Variants in COL7A1 observed in about 807,000 individuals in gnomAD.
COL7A1 encodes the protein collagen type VII alpha 1 chain, also known as collagen alpha-1(VII) chain.
Under a neutral mutation model 456.2 loss-of-function variants are expected in COL7A1, and 296 were observed. The ratio of observed to expected loss-of-function variants is 0.65; its 90% CI spans 0.59 to 0.71. COL7A1 has a LOEUF of 0.71. Among genes scored for constraint, COL7A1 ranks in the 30% least tolerant of loss-of-function variants. The pLI, the probability that COL7A1 is intolerant of heterozygous loss-of-function variation, is 0.00. For synonymous variants in COL7A1, 1,464 were observed against 1,525.9 expected (o/e 0.96, Z 0.95); for missense variants, 3,441 against 4,017.2 (o/e 0.86, Z 3.88).
chr3:48,577,022 T>A lies in COL7A1; in HGVS notation c.5538A>T (p.Glu1846Asp), dbSNP rs765868969. The A allele has an allele frequency of 3.1e-6, 5 of 1,613,940 alleles. No homozygotes were observed. The South Asian group carries it at 5.5e-5, about 18-fold the overall frequency. ...TCCCGTCTTCTCCAGGGTCCCCAGG[T>A]TCTCCCTGTGGGCAGAGGACTCACA... Reference protein sequence around the residue: ...GKPGLNGKNGEPGDPGEDGRK... With the variant: ...GKPGLNGKNGDPGDPGEDGRK... Residue 1846 changes from glutamate to aspartate, a missense_variant, in exon 66 of 119, where the codon GAA becomes GAT. By Grantham distance (45) the Glu-to-Asp change is conservative (BLOSUM62 2). This residue lies in a region of COL7A1 where 2,084 missense variants were observed against 2,501.3 expected (regional missense o/e 0.83). Coordinates refer to ENST00000681320, the MANE Select transcript of COL7A1 (RefSeq NM_000094.4).
In COL7A1 at chr3:48,579,445, G is replaced by C; in HGVS notation, c.5271+35C>G. On this transcript the variant is annotated intron_variant, in intron 60 of 118. Coordinates refer to ENST00000681320, the MANE Select transcript of COL7A1 (RefSeq NM_000094.4). The surrounding 1 kb of genome is among the most constrained non-coding windows in gnomAD (Gnocchi z 4.4). ...TCAGATAAGAGGTGAGGGTAAGATG[G>C]GGACTTGGCAGACGGGGCAAAGTGC... 3 of 1,614,154 alleles carry C rather than the reference G, an allele frequency of 1.9e-6. No homozygotes were observed. Among genetic ancestry groups the C allele is most frequent in the Non-Finnish European group, 2.5e-6 (3 of 1,180,012 alleles).
rs1194530369 is a variant in COL7A1 at position 48,566,278 on chromosome 3, C to T, written c.8396G>A (p.Ser2799Asn). ...TGGGCACCACTCACCACAGTGCTGA[C>T]TCATCTCTTGGCGCACAAAGCCCCG... The part of the protein sequence containing the change: ...DIRGFVRQEM[S>N]QHCACQGQFI... The change falls in exon 114 of 119, where the codon AGT becomes AAT. Residue 2799 changes from serine (S) to asparagine (N), a missense_variant. This residue lies in a region of COL7A1 where 2,084 missense variants were observed against 2,501.3 expected (regional missense o/e 0.83). Transcript: ENST00000681320. This position sits in a 1 kb window ranked among gnomAD's most constrained non-coding sequence, Gnocchi z 5.9. The T allele has an allele frequency of 6.2e-7, 1 of 1,601,934 alleles. No individual in the cohort carries two copies. Among genetic ancestry groups the T allele is most frequent in the Admixed American group, 1.7e-5 (1 of 57,388 alleles).
chr3:48,581,706 C>T lies in COL7A1; in HGVS notation c.4722G>A (p.Arg1574=). 6.2e-7 allele frequency: 1 copy of T among 1,614,096 alleles called. No individual in the cohort carries two copies. ...CCCCTAAACACTTCGCTTCACTTAC[C>T]CGTTCCCCTTGGACTCCGGTAGCTC... ...PRGATGVQGE[R]GPPGLVLPGD... Residue 1574 remains arginine (R), a splice_region_variant and synonymous_variant, in exon 49 of 119, where the codon CGG becomes CGA. Coordinates refer to ENST00000681320, the MANE Select transcript of COL7A1 (RefSeq NM_000094.4). This position sits in a 1 kb window ranked among gnomAD's most constrained non-coding sequence, Gnocchi z 5.8.
At position 48,585,080 on chromosome 3, in the gene COL7A1, C is replaced by T; in HGVS notation, c.3931G>A (p.Gly1311Ser). ...GGGGTCCCAGGATTCCCGGCGCGGCCAGGGCTGCCTGGACGCCCATCTGCT... is the reference window on the plus strand; with the variant it reads ...GGGGTCCCAGGATTCCCGGCGCGGCTAGGGCTGCCTGGACGCCCATCTGCT... The part of the protein sequence containing the change: ...PGADGRPGSP[G>S]RAGNPGTPGA... Residue 1311 changes from glycine to serine, a missense_variant, in exon 33 of 119, where the codon GGC (glycine) becomes AGC (serine). Gly to Ser is a moderately conservative substitution (Grantham distance 56, BLOSUM62 0). Transcript: ENST00000681320. The surrounding 1 kb of genome is among the most constrained non-coding windows in gnomAD (Gnocchi z 4.5). 6.2e-7 allele frequency: 1 copy of T among 1,612,286 alleles called. No homozygotes were observed. The highest frequency in any genetic ancestry group is 8.5e-7 in the Non-Finnish European group (1 of 1,179,852).
chr3:48,584,142 C>T, intron 37 of COL7A1, 81 bp from the exon 38 acceptor site: 1 of 1,610,292 alleles, frequency 6.2e-7, no homozygotes, highest in Non-Finnish European at 8.5e-7. Context: ...GTCATGGGGT[C>T]CAATTGGATT....
At position 48,579,150 on chromosome 3, in the gene COL7A1, G is replaced by A; in HGVS notation, c.5388+47C>T. The stretch of plus-strand genomic sequence containing the variant: ...AGGCTGGGGTCTAGGGTCCTCATGT[G>A]AAGGGGTAGGGGAAGGGGACAACCA... On this transcript the variant is annotated intron_variant, in intron 62 of 118. Coordinates refer to ENST00000681320, the MANE Select transcript of COL7A1 (RefSeq NM_000094.4). The surrounding 1 kb of genome is among the most constrained non-coding windows in gnomAD (Gnocchi z 4.4). 1 of 1,603,966 alleles carries A rather than the reference G, an allele frequency of 6.2e-7. No individual in the cohort carries two copies. The highest frequency in any genetic ancestry group is 8.5e-7 in the Non-Finnish European group (1 of 1,173,046).
In COL7A1 at chr3:48,567,726, C is replaced by A. The variant is rs557951372; in HGVS notation, c.7967G>T (p.Gly2656Val). 1.2e-6 allele frequency: 2 copies of A among 1,614,094 alleles called. No homozygotes were observed. Among genetic ancestry groups the A allele is most frequent in the African/African-American group, 1.3e-5 (1 of 75,034 alleles). ...AGPPGRPGLA[G>V]HKGEMGEPGV... ...CACACTCACCATCTCTCCTTTGTGTCCTGCCAGCCCGGGGCGGCCTGGGGG... is the reference window on the plus strand; with the variant it reads ...CACACTCACCATCTCTCCTTTGTGTACTGCCAGCCCGGGGCGGCCTGGGGG... The change falls in exon 108 of 119, where the codon GGA (glycine) becomes GTA (valine). Residue 2656 changes from glycine to valine, a missense_variant. By Grantham distance (109) the Gly-to-Val change is moderately radical (BLOSUM62 -3). Transcript: ENST00000681320. This position sits in a 1 kb window ranked among gnomAD's most constrained non-coding sequence, Gnocchi z 4.3.
chr3:48,575,952 C>T lies in COL7A1; in HGVS notation c.5821-50G>A. 6.2e-7 allele frequency: 1 copy of T among 1,613,864 alleles called. No homozygotes were observed. Among genetic ancestry groups the T allele is most frequent in the Non-Finnish European group, 8.5e-7 (1 of 1,179,824 alleles). On this transcript the variant is annotated intron_variant, in intron 71 of 118. Transcript: ENST00000681320. The surrounding 1 kb of genome is among the most constrained non-coding windows in gnomAD (Gnocchi z 6.3). ...GCTGCCCATGACAGAGAAGCTCCTG[C>T]CTTCTGCCCCGCACGGCCTCAGGAA...
Position 48,571,216 on chromosome 3 carries a change from AG to A in COL7A1, c.7104+26del, listed in dbSNP as rs748001359. ...CAGGGAGTCTCACGACCAGGACCCC[AG>A]CAGGGACCCTTCTGGGTACACATAC... On this transcript the variant is annotated intron_variant, in intron 93 of 118. Coordinates refer to ENST00000681320, the MANE Select transcript of COL7A1 (RefSeq NM_000094.4). This position sits in a 1 kb window ranked among gnomAD's most constrained non-coding sequence, Gnocchi z 4.6. The A allele has an allele frequency of 5.8e-5, 94 of 1,614,026 alleles. No individual in the cohort carries two copies. Among genetic ancestry groups the A allele is most frequent in the Non-Finnish European group, 7.6e-5 (90 of 1,180,042 alleles).
chr3:48,564,751 C>T lies in COL7A1; in HGVS notation c.8818+32G>A. The stretch of plus-strand genomic sequence containing the variant: ...AACCCGATCCAGGCAGGCTCAGTGC[C>T]CAGTTCCCCACGGTGGGGGCTCAGC... On this transcript the variant is annotated intron_variant, in intron 118 of 118. Transcript: ENST00000681320. The surrounding 1 kb of genome is among the most constrained non-coding windows in gnomAD (Gnocchi z 6.0). 6.2e-7 allele frequency: 1 copy of T among 1,606,140 alleles called. No individual in the cohort carries two copies. The highest frequency in any genetic ancestry group is 8.5e-7 in the Non-Finnish European group (1 of 1,175,472).
In COL7A1 at chr3:48,566,868, A is replaced by C; in HGVS notation, c.8226+39T>G. 1 of 1,577,656 alleles carries C rather than the reference A, an allele frequency of 6.3e-7. No homozygotes were observed. Among genetic ancestry groups the C allele is most frequent in the Non-Finnish European group, 8.7e-7 (1 of 1,155,510 alleles). ...TGGTTATGAGGTTGGAAGGGTAGGG[A>C]AGGTTCAGGGATCAGGAGTCAGAGC... On this transcript the variant is annotated intron_variant, in intron 111 of 118. Coordinates refer to ENST00000681320, the MANE Select transcript of COL7A1 (RefSeq NM_000094.4). The surrounding 1 kb of genome is among the most constrained non-coding windows in gnomAD (Gnocchi z 5.9).
Position 48,588,682 on chromosome 3 carries a change from C to T in COL7A1, c.2547G>A (p.Gly849=). 1 of 1,613,864 alleles carries T rather than the reference C, an allele frequency of 6.2e-7. No homozygotes were observed. The highest frequency in any genetic ancestry group is 8.5e-7 in the Non-Finnish European group (1 of 1,180,040). Residue 849 remains glycine, a synonymous_variant, in exon 20 of 119, where the codon GGG becomes GGA. Transcript: ENST00000681320. The surrounding 1 kb of genome is among the most constrained non-coding windows in gnomAD (Gnocchi z 4.6). The part of the protein sequence containing the change: ...SYSVRVTALV[G]DREGTPVSIV... ...TGGAGACAGGTGTGCCCTCGCGGTCCCCGACAAGTGCAGTCACTCGCACTG... is the reference window on the plus strand; with the variant it reads ...TGGAGACAGGTGTGCCCTCGCGGTCTCCGACAAGTGCAGTCACTCGCACTG...
Position 48,567,583 on chromosome 3 carries a change from G to A in COL7A1, c.8037C>T (p.Ile2679=), listed in dbSNP as rs112974441. ...QSGAPGKEGL[I]GPKGDRGFDG... ...TCCACAGACCCTGTACCTTGGGACC[G>A]ATCAGGCCCTCCTTGCCAGGGGCCC... Residue 2679 remains isoleucine (I), a synonymous_variant, in exon 109 of 119, where the codon ATC becomes ATT. Transcript: ENST00000681320. The surrounding 1 kb of genome is among the most constrained non-coding windows in gnomAD (Gnocchi z 4.3). 107 of 1,614,104 alleles carry A rather than the reference G, an allele frequency of 6.6e-5. 1 individual carries two copies. The highest frequency in any genetic ancestry group is 3.1e-4 in the East Asian group (14 of 44,884).
Position 48,590,833 on chromosome 3 carries a change from G to A in COL7A1, c.1637-17C>T. 2.0e-5 allele frequency: 33 copies of A among 1,612,020 alleles called. No homozygotes were observed. The highest frequency in any genetic ancestry group is 2.7e-5 in the Non-Finnish European group (32 of 1,180,002). On this transcript the variant is annotated splice_polypyrimidine_tract_variant and intron_variant, in intron 13 of 118. Coordinates refer to ENST00000681320, the MANE Select transcript of COL7A1 (RefSeq NM_000094.4). This position sits in a 1 kb window ranked among gnomAD's most constrained non-coding sequence, Gnocchi z 4.6. The stretch of plus-strand genomic sequence containing the variant: ...GCTCAACCCCTAAGAGAGAAGTCAG[G>A]GTAGGTGGGCAGGGGTCAGAAAGAG...
At position 48,590,917 on chromosome 3, in the gene COL7A1, GGGTGGGGATGTGGGGT is replaced by G; in HGVS notation, c.1637-117_1637-102del. 2 of 1,298,908 alleles carry G rather than the reference GGGTGGGGATGTGGGGT, an allele frequency of 1.5e-6. No individual in the cohort carries two copies. The highest frequency in any genetic ancestry group is 2.4e-5 in the South Asian group (2 of 82,682). 80.5% of individuals were successfully genotyped at this position (1,298,908 alleles called of 1,614,324 possible). A position where few individuals can be genotyped will look rare whatever the true frequency, so the allele number is the denominator to read the frequency against. On this transcript the variant is annotated intron_variant, in intron 13 of 118. Coordinates refer to ENST00000681320, the MANE Select transcript of COL7A1 (RefSeq NM_000094.4). This position sits in a 1 kb window ranked among gnomAD's most constrained non-coding sequence, Gnocchi z 4.6. Reference sequence around the variant, plus strand: ...GGACGCAGAGTGAGAAGGGCCATGGGGGTGGGGATGTGGGGTGGTGGGGACCAGAGAGCTGGGATAT... The same window carrying G: ...GGACGCAGAGTGAGAAGGGCCATGGGGGTGGGGACCAGAGAGCTGGGATAT...
chr3:48,573,691 G>C lies in COL7A1; in HGVS notation c.6572C>G (p.Pro2191Arg), dbSNP rs140543032. 6 of 1,612,850 alleles carry C rather than the reference G, an allele frequency of 3.7e-6. No homozygotes were observed. Among genetic ancestry groups the C allele is most frequent in the Non-Finnish European group, 5.1e-6 (6 of 1,179,428 alleles). The change falls in exon 82 of 119, where the codon CCG becomes CGG. Residue 2191 changes from proline to arginine, a missense_variant and splice_region_variant. Physicochemically the swap from Pro to Arg is moderately radical, Grantham distance 103. Coordinates refer to ENST00000681320, the MANE Select transcript of COL7A1 (RefSeq NM_000094.4). This position sits in a 1 kb window ranked among gnomAD's most constrained non-coding sequence, Gnocchi z 5.5. ...AGGCAGTGTTCCCTGGTCACTCACCGGGGCACCAGGTGGTCCAGGGTCTCC... is the reference window on the plus strand; with the variant it reads ...AGGCAGTGTTCCCTGGTCACTCACCCGGGCACCAGGTGGTCCAGGGTCTCC... ...GHGDPGPPGA[P>R]GLAGPAGPQG...
At position 48,579,993 on chromosome 3, in the gene COL7A1, G is replaced by A. The variant is rs1560229917; in HGVS notation, c.5124+38C>T. The A allele has an allele frequency of 6.2e-7, 1 of 1,613,960 alleles. No homozygotes were observed. The highest frequency in any genetic ancestry group is 1.7e-5 in the Admixed American group (1 of 60,018). On this transcript the variant is annotated intron_variant, in intron 57 of 118. Transcript: ENST00000681320. The surrounding 1 kb of genome is among the most constrained non-coding windows in gnomAD (Gnocchi z 4.4). ...GATGTGGAGCCAAAGGGGCAAGTGA[G>A]AACAATGACAGAGGACCAGACCCAG...
Position 48,579,732 on chromosome 3 carries a change from T to C in COL7A1, c.5154+53A>G. The stretch of plus-strand genomic sequence containing the variant: ...GCCAAGCCATGCCCAAGGTAGAACC[T>C]GCTGGGAGGGGCACTGGGGTCTTTC... On this transcript the variant is annotated intron_variant, in intron 58 of 118. Coordinates refer to ENST00000681320, the MANE Select transcript of COL7A1 (RefSeq NM_000094.4). The surrounding 1 kb of genome is among the most constrained non-coding windows in gnomAD (Gnocchi z 4.4). The C allele has an allele frequency of 1.2e-6, 2 of 1,613,922 alleles. No individual in the cohort carries two copies. Among genetic ancestry groups the C allele is most frequent in the South Asian group, 2.2e-5 (2 of 91,088 alleles).
Position 48,575,866 on chromosome 3 carries a change from C to T in COL7A1, c.5856+1G>A. The T allele has an allele frequency of 6.2e-7, 1 of 1,614,172 alleles. No homozygotes were observed. The highest frequency in any genetic ancestry group is 1.3e-5 in the African/African-American group (1 of 75,058). Reference sequence around the variant, plus strand: ...CTACCCCCAGCCCCTAAACAACCCACCTTGATGCCAGCAGTTTCCAGCAAC... The same window carrying T: ...CTACCCCCAGCCCCTAAACAACCCATCTTGATGCCAGCAGTTTCCAGCAAC... On this transcript the variant is annotated splice_donor_variant, in intron 72 of 118. Coordinates refer to ENST00000681320, the MANE Select transcript of COL7A1 (RefSeq NM_000094.4). LOFTEE classifies it high-confidence loss of function. The surrounding 1 kb of genome is among the most constrained non-coding windows in gnomAD (Gnocchi z 6.3).
Sources: allele counts gnomAD v4.1 joint callset, GRCh38; gene constraint gnomAD v4.1.1; regional missense constraint gnomAD v4.1.1; non-coding constraint Gnocchi (gnomAD v3.1); transcripts MANE v1.5; gene names NCBI Gene and HGNC (gene_info 2026-07-23, HGNC 2026-07-21).